Variants in ANO6 observed in about 807,000 individuals in gnomAD.
ANO6 encodes anoctamin 6.
ANO6 carries 106 observed loss-of-function variants against 117.5 expected under a neutral mutation model. That is an observed-to-expected ratio of 0.90 (90% confidence interval 0.77 to 1.06). ANO6 has a LOEUF of 1.06. ANO6 is among the 50% of genes least tolerant of loss of function. ANO6 has a pLI of 0.00. For missense variants in ANO6, 955 were observed against 1,121.1 expected (o/e 0.85, Z 2.12); for synonymous variants, 367 against 385.1 (o/e 0.95, Z 0.55).
In ANO6 at chr12:45,364,516, T is replaced by C. The variant is rs148724351; in HGVS notation, c.999-3172T>C. 5.0e-3 allele frequency among the ~76,000 whole-genome samples: 760 copies of C among 152,336 alleles called. 6 individuals carry two copies. The highest frequency in any genetic ancestry group is 0.016 in the African/African-American group (676 of 41,578). On this transcript the variant is annotated intron_variant, in intron 8 of 19. Coordinates refer to ENST00000320560, the MANE Select transcript of ANO6 (RefSeq NM_001025356.3). ...TTCCTTTTTTGTTCCATTTCTCAGA[T>C]TGGATAATTTTAATATTCCTAGCTT...
In ANO6 at chr12:45,304,055, T is replaced by G. The variant is rs184200320; in HGVS notation, c.150+1962T>G. Among the ~76,000 whole-genome samples the G allele has an allele frequency of 1.4e-3, 206 of 152,314 alleles. 2 individuals are homozygous for G. The highest frequency in any genetic ancestry group is 4.6e-3 in the African/African-American group (193 of 41,574). ...AGAGAATCTGGGATTTTCTTGTGCT[T>G]CGTAGATTTTCACACATCTGATGCT... On this transcript the variant is annotated intron_variant, in intron 2 of 19. Transcript: ENST00000320560.
intron 7 of ANO6, among the ~76,000 whole-genome samples, chr12:45,354,775 G>A (rs1941368744): frequency 6.6e-6 from 1 of 152,202 alleles, no homozygotes; most frequent in African/African-American, 2.4e-5. Context: ...AATTATAGCA[G>A]TGACTTGATT....
chr12:45,426,444 G>A (rs568393063), intron 19 of ANO6, among the ~76,000 whole-genome samples: 3 of 152,122 alleles, frequency 2.0e-5, no homozygotes, highest in South Asian at 2.1e-4. Flanking sequence ...GGCCAGCGCC[G>A]TTGAATGAGT....
At chr12:45,260,149 C>T (rs1463021279) in intron 1 of ANO6, among the ~76,000 whole-genome samples, 1 of 152,192 alleles carries the variant, frequency 6.6e-6, no homozygotes, top group Non-Finnish European at 1.5e-5. Flanking sequence ...GCGCTGGGCT[C>T]AGTACATGTT....
intron 1 of ANO6, among the ~76,000 whole-genome samples, chr12:45,299,637 G>C (rs1265060088): frequency 6.6e-6 from 1 of 152,076 alleles, no homozygotes; most frequent in African/African-American, 2.4e-5. Context: ...CAGATCATGA[G>C]GTCAGGAGTT....
intron 7 of ANO6, among the ~76,000 whole-genome samples, chr12:45,351,197 T>C (rs1470893199): frequency 6.6e-6 from 1 of 152,120 alleles, no homozygotes; most frequent in East Asian, 1.9e-4. Flanking sequence ...GTTCCAAGGG[T>C]TTAGAGGTTA....
chr12:45,232,058 C>G (rs773978395), intron 1 of ANO6, among the ~76,000 whole-genome samples: 4 of 152,158 alleles, frequency 2.6e-5, no homozygotes, highest in Non-Finnish European at 5.9e-5. Context: ...TTGAAAAAGT[C>G]ATGTGCATAG....
chr12:45,219,603 C>A (rs931718836), intron 1 of ANO6, among the ~76,000 whole-genome samples: 2 of 151,526 alleles, frequency 1.3e-5, no homozygotes, highest in Admixed American at 1.3e-4. Flanking sequence ...CTCGGCTTCC[C>A]AAAGTGCTGG....
chr12:45,230,314 G>A (rs1479408855), intron 1 of ANO6, among the ~76,000 whole-genome samples: 1 of 151,858 alleles, frequency 6.6e-6, no homozygotes, highest in African/African-American at 2.4e-5. Context: ...AAAGGACCTG[G>A]TCTTGAGCAG....
intron 1 of ANO6, among the ~76,000 whole-genome samples, chr12:45,247,191 T>G (rs1047104368): frequency 3.3e-5 from 5 of 152,164 alleles, no homozygotes; most frequent in Non-Finnish European, 5.9e-5. Context: ...CTCCCAAAAG[T>G]GCTGGAATTA....
intron 15 of ANO6, among the ~76,000 whole-genome samples, chr12:45,405,181 G>A (rs1054999338): frequency 2.0e-5 from 3 of 151,874 alleles, no homozygotes; most frequent in Admixed American, 6.6e-5. Context: ...AGTAAAAGTA[G>A]GTCATGCATA....
At chr12:45,391,520 A>G (rs1942449563) in intron 12 of ANO6, among the ~76,000 whole-genome samples, 1 of 152,176 alleles carries the variant, frequency 6.6e-6, no homozygotes. Flanking sequence ...GGGACAATAA[A>G]TGTTAAAGTC....
rs552849362 is a variant in ANO6 at position 45,267,429 on chromosome 12, G to A, written c.71-34585G>A. Among the ~76,000 whole-genome samples, 62 of 152,260 alleles carry A rather than the reference G, an allele frequency of 4.1e-4. 2 individuals carry two copies. Among genetic ancestry groups the A allele is most frequent in the African/African-American group, 1.5e-3 (62 of 41,540 alleles). On this transcript the variant is annotated intron_variant, in intron 1 of 19. Coordinates refer to ENST00000320560, the MANE Select transcript of ANO6 (RefSeq NM_001025356.3). Reference sequence around the variant, plus strand: ...TTTTCCAAATCCAGTCACATTTTGAGGTACTTTGGGTTAGGGCTTCCACAT... The same window carrying A: ...TTTTCCAAATCCAGTCACATTTTGAAGTACTTTGGGTTAGGGCTTCCACAT...
chr12:45,439,409 C>T (rs1332630263), intron 19 of ANO6, among the ~76,000 whole-genome samples: 1 of 152,186 alleles, frequency 6.6e-6, no homozygotes, highest in African/African-American at 2.4e-5. Context: ...TAATTCCCAT[C>T]TGGTCTGCCC....
intron 1 of ANO6, among the ~76,000 whole-genome samples, chr12:45,293,456 G>T (rs1271552385): frequency 6.6e-6 from 1 of 151,764 alleles, no homozygotes; most frequent in Non-Finnish European, 1.5e-5. Context: ...TGATAATTTT[G>T]AATTCTGTTC....
chr12:45,347,849 C>T (rs1265749360), intron 4 of ANO6, among the ~76,000 whole-genome samples, 179 bp from the exon 5 acceptor site: 3 of 152,026 alleles, frequency 2.0e-5, no homozygotes, highest in Non-Finnish European at 4.4e-5. Context: ...ACCAAGAAAT[C>T]GTCTTTAAGA....
At chr12:45,245,102 T>C (rs1947804829) in intron 1 of ANO6, among the ~76,000 whole-genome samples, 1 of 152,122 alleles carries the variant, frequency 6.6e-6, no homozygotes, top group Non-Finnish European at 1.5e-5. Context: ...TAGCTTCTCT[T>C]CCCTAGAAAT....
chr12:45,310,097 T>C (rs1939801185), intron 2 of ANO6, among the ~76,000 whole-genome samples: 1 of 152,130 alleles, frequency 6.6e-6, no homozygotes, highest in Non-Finnish European at 1.5e-5. Flanking sequence ...GGAATATTTA[T>C]TTGCTGTATG....
At chr12:45,254,794 A>T (rs539520093) in intron 1 of ANO6, among the ~76,000 whole-genome samples, 3 of 152,378 alleles carry the variant, frequency 2.0e-5, no homozygotes, top group African/African-American at 7.2e-5. Context: ...AAGTAGAAAT[A>T]TGAATTATGG....
Sources: allele counts gnomAD v4.1 joint callset (sites outside exome capture counted in the v4.1 genomes callset), GRCh38; gene constraint gnomAD v4.1.1; transcripts MANE v1.5; gene names NCBI Gene and HGNC (gene_info 2026-07-23, HGNC 2026-07-21).